USP15: variants seen among roughly 807,000 people sequenced by gnomAD.
The protein encoded by USP15 is ubiquitin specific peptidase 15, also known as ubiquitin carboxyl-terminal hydrolase 15.
In USP15, 18 loss-of-function variants were observed where a neutral mutation model predicts 127.1. The observed-to-expected ratio is 0.14, with a 90% CI of 0.10 to 0.21. The LOEUF (loss-of-function observed/expected upper bound fraction) is 0.21, where lower values mean the gene tolerates loss of function less well. Ranked by LOEUF, USP15 falls within the 10% of genes least tolerant of loss-of-function variation. The pLI, the probability that USP15 is intolerant of heterozygous loss-of-function variation, is 1.00. For synonymous variants in USP15, 364 were observed against 393.7 expected (o/e 0.92, Z 0.89); for missense variants, 805 against 1,159.9 (o/e 0.69, Z 4.44).
intron 1 of USP15, among the ~76,000 whole-genome samples, chr12:62,263,517 G>A (rs1042164869): frequency 1.3e-5 from 2 of 152,126 alleles, no homozygotes; most frequent in Admixed American, 6.5e-5. Context: ...TTTGTAAGCA[G>A]TGAATGATTT....
intron 8 of USP15, among the ~76,000 whole-genome samples, chr12:62,370,303 T>C (rs2066622224): frequency 6.6e-6 from 1 of 152,170 alleles, no homozygotes; most frequent in African/African-American, 2.4e-5. Flanking sequence ...TCAAGTCTTT[T>C]TTCATCTGGG....
Position 62,405,043 on chromosome 12 carries a change from A to G in USP15, c.*668A>G, listed in dbSNP as rs2067822146. 6.6e-6 allele frequency: 1 copy of G among 152,022 alleles called. No homozygotes were observed. The highest frequency in any genetic ancestry group is 2.4e-5 in the African/African-American group (1 of 41,404). The allele number at this position is 152,022 out of a possible 1,614,324, so 9.4% of individuals were successfully genotyped here. On this transcript the variant is annotated 3_prime_UTR_variant, in exon 22 of 22. Coordinates refer to ENST00000280377, the MANE Select transcript of USP15 (RefSeq NM_001252078.2). ...TGTGGAAACAGGTTCTAGATTTCAT[A>G]CTCCATCTAAAGTCATTTTTCAGTT...
chr12:62,394,994 C>T (rs1422334583), intron 19 of USP15, among the ~76,000 whole-genome samples: 1 of 152,010 alleles, frequency 6.6e-6, no homozygotes, highest in Non-Finnish European at 1.5e-5. Context: ...TACAAGAAGT[C>T]GTTTTCCAGG....
Position 62,329,435 on chromosome 12 carries a change from A to G in USP15, c.683+3502A>G, listed in dbSNP as rs115284541. ...GGAGAATAACTACATCATAGGGATC[A>G]TAGAACATAATGTTCAAATTTAGTA... On this transcript the variant is annotated intron_variant, in intron 6 of 21. Transcript: ENST00000280377. 8.7e-3 allele frequency among the ~76,000 whole-genome samples: 1,330 copies of G among 152,324 alleles called. 18 individuals carry two copies. Among genetic ancestry groups the G allele is most frequent in the African/African-American group, 0.029 (1,209 of 41,580 alleles).
intron 8 of USP15, among the ~76,000 whole-genome samples, chr12:62,373,171 G>T (rs1402689738): frequency 1.3e-5 from 2 of 151,870 alleles, no homozygotes; most frequent in Admixed American, 6.6e-5. Context: ...AAAATTAATG[G>T]TCTTCACATA....
intron 1 of USP15, among the ~76,000 whole-genome samples, chr12:62,272,910 G>A (rs977747701): frequency 2.6e-5 from 4 of 151,988 alleles, no homozygotes; most frequent in Non-Finnish European, 5.9e-5. Context: ...AATCTTGTGA[G>A]GTAGTCCCAG....
At chr12:62,335,851 C>T (rs1482338509) in intron 6 of USP15, 3 of 985,128 alleles carry the variant, frequency 3.0e-6, no homozygotes, top group East Asian at 1.1e-4. Context: ...TTTTTGATAA[C>T]CATCTTCTAA....
rs377515182 is a variant in USP15 at position 62,360,613 on chromosome 12, A to G, written c.915+5138A>G. Among the ~76,000 whole-genome samples the G allele has an allele frequency of 1.3e-4, 20 of 152,170 alleles. No homozygotes were observed. The South Asian group carries it at 2.3e-3, about 17-fold the overall frequency. The stretch of plus-strand genomic sequence containing the variant: ...TTGGAACTCAGTTTCTTAGAAGTCC[A>G]GTTTAACACTAAACCTTCTAGTTTT... On this transcript the variant is annotated intron_variant, in intron 8 of 21. Coordinates refer to ENST00000280377, the MANE Select transcript of USP15 (RefSeq NM_001252078.2).
chr12:62,348,269 T>G lies in USP15; in HGVS notation c.684-952T>G, dbSNP rs571655826. 4.9e-4 allele frequency among the ~76,000 whole-genome samples: 74 copies of G among 152,340 alleles called. 1 individual carries two copies. Among genetic ancestry groups the G allele is most frequent in the Admixed American group, 2.4e-3 (36 of 15,308 alleles). The stretch of plus-strand genomic sequence containing the variant: ...TTTTTTTATATTTAAAAAATTTTAT[T>G]GCCCACCATTTGTTCTGCATAATGC... On this transcript the variant is annotated intron_variant, in intron 6 of 21. Coordinates refer to ENST00000280377, the MANE Select transcript of USP15 (RefSeq NM_001252078.2).
At position 62,409,753 on chromosome 12, in the gene USP15, A is replaced by G. The variant is rs925884099; in HGVS notation, c.*5378A>G. ...TTCCCACAATGTGTATTATTACATT[A>G]TTCTCAGTAATGACACATACTTAAC... On this transcript the variant is annotated 3_prime_UTR_variant, in exon 22 of 22. Coordinates refer to ENST00000280377, the MANE Select transcript of USP15 (RefSeq NM_001252078.2). The G allele has an allele frequency of 1.2e-4, 18 of 152,184 alleles. No individual in the cohort carries two copies. The highest frequency in any genetic ancestry group is 4.3e-4 in the African/African-American group (18 of 41,454). 9.4% of individuals were successfully genotyped at this position (152,184 alleles called of 1,614,324 possible). A position where few individuals can be genotyped will look rare whatever the true frequency, so the allele number is the denominator to read the frequency against.
intron 1 of USP15, among the ~76,000 whole-genome samples, chr12:62,290,258 G>A (rs2063920903): frequency 1.3e-5 from 2 of 152,024 alleles, no homozygotes; most frequent in African/African-American, 4.8e-5. Flanking sequence ...TCTTTTCTTA[G>A]GTCTAGTAAT....
At chr12:62,356,931 T>TTATACCAGTA (rs1192427337) in intron 8 of USP15, among the ~76,000 whole-genome samples, 1 of 152,016 alleles carries the variant, frequency 6.6e-6, no homozygotes, top group Non-Finnish European at 1.5e-5. Flanking sequence ...TAAATTGTGT[T>TTATACCAGTA]TATACCAGTA....
intron 8 of USP15, among the ~76,000 whole-genome samples, chr12:62,356,174 A>C (rs190690058): frequency 9.2e-5 from 14 of 151,936 alleles, no homozygotes; most frequent in Admixed American, 8.5e-4. Context: ...AATAATGGCA[A>C]ACCATTTTTG....
rs573140362 is a variant in USP15, at chr12:62,296,799, T to C, written c.217+2493T>C. On this transcript the variant is annotated intron_variant, in intron 2 of 21. Coordinates refer to ENST00000280377, the MANE Select transcript of USP15 (RefSeq NM_001252078.2). The stretch of plus-strand genomic sequence containing the variant: ...CCTCCTCCAAGGAGTCTTAGCTTAG[T>C]CTCAAGAGAGATTGTCTCAGATCAG... 7.9e-5 allele frequency among the ~76,000 whole-genome samples: 12 copies of C among 152,320 alleles called. No homozygotes were observed. The East Asian group carries it at 2.1e-3, about 27-fold the overall frequency.
At chr12:62,331,136 T>C (rs901396569) in intron 6 of USP15, among the ~76,000 whole-genome samples, 1 of 152,172 alleles carries the variant, frequency 6.6e-6, no homozygotes, top group Admixed American at 6.5e-5. Context: ...AAAATGCTAG[T>C]TCTGATATAT....
intron 1 of USP15, among the ~76,000 whole-genome samples, chr12:62,285,163 C>T (rs1217152232): frequency 6.6e-6 from 1 of 152,106 alleles, no homozygotes; most frequent in East Asian, 1.9e-4. Context: ...CATGGATGAA[C>T]TGCATAATGG....
chr12:62,374,674 T>C, intron 8 of USP15: 1 of 802,530 alleles, frequency 1.2e-6, no homozygotes, highest in Non-Finnish European at 1.5e-6. Context: ...ATAAAAAACT[T>C]ATGTAGAAAT....
At chr12:62,399,463 C>G (rs2067607128) in intron 20 of USP15, among the ~76,000 whole-genome samples, 1 of 152,132 alleles carries the variant, frequency 6.6e-6, no homozygotes, top group Non-Finnish European at 1.5e-5. Context: ...TTCAGGTAGC[C>G]TGAGTATTGC....
chr12:62,282,899 T>C lies in USP15; in HGVS notation c.90-11280T>C, dbSNP rs182769801. Among the ~76,000 whole-genome samples the C allele has an allele frequency of 4.6e-3, 700 of 152,334 alleles. 5 individuals are homozygous for C. Among genetic ancestry groups the C allele is most frequent in the Non-Finnish European group, 5.9e-3 (400 of 68,028 alleles). Reference sequence around the variant, plus strand: ...TGTCTAAGTAACTATAAATAGAATTTCTATACTTTTCCACAAATTGTTTTT... The same window carrying C: ...TGTCTAAGTAACTATAAATAGAATTCCTATACTTTTCCACAAATTGTTTTT... On this transcript the variant is annotated intron_variant, in intron 1 of 21. Transcript: ENST00000280377.
Sources: allele counts gnomAD v4.1 joint callset (sites outside exome capture counted in the v4.1 genomes callset), GRCh38; gene constraint gnomAD v4.1.1; transcripts MANE v1.5; gene names NCBI Gene and HGNC (gene_info 2026-07-23, HGNC 2026-07-21).